Variants in ABHD17C observed in about 807,000 individuals in gnomAD.
The protein encoded by ABHD17C is alpha/beta hydrolase domain-containing protein 17C.
Under a neutral mutation model 27.9 loss-of-function variants are expected in ABHD17C, and 11 were observed. That is an observed-to-expected ratio of 0.39 (90% CI 0.25 to 0.65). ABHD17C has a LOEUF of 0.65. Ranked by LOEUF, ABHD17C falls within the 30% of genes least tolerant of loss-of-function variation. The pLI is 0.45. For missense variants in ABHD17C, 280 were observed against 470.2 expected (o/e 0.60, Z 3.74); for synonymous variants, 233 against 209.1 (o/e 1.11, Z -0.98).
At chr15:80,750,725 G>T (rs890387565) in intron 2 of ABHD17C, among the ~76,000 whole-genome samples, 2 of 152,108 alleles carry the variant, frequency 1.3e-5, no homozygotes, top group Admixed American at 1.3e-4. Context: ...ATTTATAGTG[G>T]CGTGGCTGGG....
intron 1 of ABHD17C, among the ~76,000 whole-genome samples, chr15:80,742,996 G>A (rs1250180179): frequency 6.6e-6 from 1 of 151,438 alleles, no homozygotes; most frequent in Non-Finnish European, 1.5e-5. Context: ...GGGTTGAGTG[G>A]GTGGGAGGGT....
chr15:80,706,473 C>A (rs1445280451), intron 1 of ABHD17C, among the ~76,000 whole-genome samples: 1 of 152,166 alleles, frequency 6.6e-6, no homozygotes, highest in East Asian at 1.9e-4. Context: ...AGAGAACCGC[C>A]AGTACTGATG....
At chr15:80,717,637 C>T (rs1030132258) in intron 1 of ABHD17C, among the ~76,000 whole-genome samples, 1 of 152,190 alleles carries the variant, frequency 6.6e-6, no homozygotes, top group Non-Finnish European at 1.5e-5. Context: ...CCACCCGCCT[C>T]GGCCTCCCAA....
chr15:80,738,756 G>A (rs943375440), intron 1 of ABHD17C, among the ~76,000 whole-genome samples: 1 of 152,140 alleles, frequency 6.6e-6, no homozygotes, highest in Non-Finnish European at 1.5e-5. Context: ...GTGAAGGGAT[G>A]GGGTGCTCAG....
intron 1 of ABHD17C, among the ~76,000 whole-genome samples, chr15:80,734,995 A>T (rs1895109814): frequency 6.6e-6 from 1 of 152,174 alleles, no homozygotes; most frequent in African/African-American, 2.4e-5. Flanking sequence ...ATCATCTCGC[A>T]TGGGACCTGG....
At chr15:80,752,799 G>A (rs77627818) in intron 2 of ABHD17C, among the ~76,000 whole-genome samples, 63 of 152,256 alleles carry the variant, frequency 4.1e-4, no homozygotes, top group African/African-American at 1.3e-3. Context: ...CTGTTATCCC[G>A]ATCAGAGAAG....
Position 80,754,442 on chromosome 15 carries a change from G to A in ABHD17C, c.*72G>A. The A allele has an allele frequency of 7.5e-7, 1 of 1,340,090 alleles. No individual in the cohort carries two copies. Among genetic ancestry groups the A allele is most frequent in the Non-Finnish European group, 1.0e-6 (1 of 973,544 alleles). The allele number at this position is 1,340,090 out of a possible 1,614,324, so 83.0% of individuals were successfully genotyped here. A position where few individuals can be genotyped will look rare whatever the true frequency, so the allele number is the denominator to read the frequency against. On this transcript the variant is annotated 3_prime_UTR_variant, in exon 3 of 3. Coordinates refer to ENST00000258884, the MANE Select transcript of ABHD17C (RefSeq NM_021214.2). The stretch of plus-strand genomic sequence containing the variant: ...TCTGTTTTGCACATGCTTTAACTGG[G>A]TAGCTGTAAAGGCTTGATAACCATG...
chr15:80,726,897 T>A (rs2141507516), intron 1 of ABHD17C, among the ~76,000 whole-genome samples: 1 of 152,358 alleles, frequency 6.6e-6, no homozygotes, highest in South Asian at 2.1e-4. Context: ...GATTCTTAAG[T>A]TGATCCCTTT....
rs58504912 is a variant in ABHD17C, at chr15:80,745,020, A to G, written c.591-4493A>G. On this transcript the variant is annotated intron_variant, in intron 1 of 2. Coordinates refer to ENST00000258884, the MANE Select transcript of ABHD17C (RefSeq NM_021214.2). Reference sequence around the variant, plus strand: ...TCACAGTTTTGTGAGGGCTGTCTCCATATCTGAAGTATCTGGTGAGCTTTT... The same window carrying G: ...TCACAGTTTTGTGAGGGCTGTCTCCGTATCTGAAGTATCTGGTGAGCTTTT... Among the ~76,000 whole-genome samples the G allele has an allele frequency of 9.6e-4, 146 of 152,342 alleles. 1 individual carries two copies. The East Asian group carries it at 0.012, about 13-fold the overall frequency.
In ABHD17C at chr15:80,695,624, C is replaced by G; in HGVS notation, c.195C>G (p.Ala65=). 1.7e-6 allele frequency: 2 copies of G among 1,191,908 alleles called. No homozygotes were observed. The allele number at this position is 1,191,908 out of a possible 1,614,324, so 73.8% of individuals were successfully genotyped here. The part of the protein sequence containing the change: ...SAPAPAQATA[A]AAAAQPAPQQ... ...CGGCCCCGGCCCAGGCTACCGCCGC[C>G]GCCGCCGCGGCCCAGCCGGCACCGC... The change falls in exon 1 of 3, where the codon GCC becomes GCG. Residue 65 remains alanine, a synonymous_variant. Coordinates refer to ENST00000258884, the MANE Select transcript of ABHD17C (RefSeq NM_021214.2). The surrounding 1 kb of genome is among the most constrained non-coding windows in gnomAD (Gnocchi z 4.3).
chr15:80,719,561 A>G (rs995851122), intron 1 of ABHD17C, among the ~76,000 whole-genome samples: 1 of 152,200 alleles, frequency 6.6e-6, no homozygotes, highest in Non-Finnish European at 1.5e-5. Flanking sequence ...TTATAAGTTT[A>G]AAAAATCAGC....
intron 1 of ABHD17C, among the ~76,000 whole-genome samples, chr15:80,702,437 C>T (rs1219887305): frequency 6.6e-6 from 1 of 152,162 alleles, no homozygotes; most frequent in Non-Finnish European, 1.5e-5. Context: ...TCTCCAAAAA[C>T]CAAAATCAAG....
intron 1 of ABHD17C, among the ~76,000 whole-genome samples, chr15:80,712,395 T>C (rs1894739662): frequency 6.6e-6 from 1 of 152,210 alleles, no homozygotes; most frequent in East Asian, 1.9e-4. Context: ...CTGAGGTTCC[T>C]CTCTAGGCAT....
intron 1 of ABHD17C, chr15:80,705,082 G>A (rs1894626569): frequency 6.6e-6 from 1 of 152,654 alleles, no homozygotes; most frequent in African/African-American, 2.4e-5. Flanking sequence ...GGTCAGCCCA[G>A]GCATCAGGTG....
At chr15:80,716,282 C>G (rs907121794) in intron 1 of ABHD17C, among the ~76,000 whole-genome samples, 3 of 152,206 alleles carry the variant, frequency 2.0e-5, no homozygotes, top group Non-Finnish European at 4.4e-5. Flanking sequence ...GCTCAGGAGC[C>G]TGGTCCTTGG....
intron 1 of ABHD17C, among the ~76,000 whole-genome samples, chr15:80,744,712 G>A (rs1895259885): frequency 6.6e-6 from 1 of 152,088 alleles, no homozygotes; most frequent in South Asian, 2.1e-4. Flanking sequence ...ATAACTAAAG[G>A]AAATTAGGAA....
intron 1 of ABHD17C, among the ~76,000 whole-genome samples, chr15:80,718,863 A>G (rs1406403112): frequency 6.6e-6 from 1 of 152,228 alleles, no homozygotes; most frequent in Non-Finnish European, 1.5e-5. Context: ...GAGAGAGATA[A>G]TAACTTTGTG....
rs531941219 is a variant in ABHD17C, at chr15:80,707,564, C to T, written c.590+11545C>T. Among the ~76,000 whole-genome samples, 27 of 151,130 alleles carry T rather than the reference C, an allele frequency of 1.8e-4. No individual in the cohort carries two copies. The East Asian group carries it at 4.7e-3, about 26-fold the overall frequency. On this transcript the variant is annotated intron_variant, in intron 1 of 2. Coordinates refer to ENST00000258884, the MANE Select transcript of ABHD17C (RefSeq NM_021214.2). ...CTAATACTAGCAATAGCTGATGAGCCCCCCCTCAAAAAAAAAAACGCAAAA... is the reference window on the plus strand; with the variant it reads ...CTAATACTAGCAATAGCTGATGAGCTCCCCCTCAAAAAAAAAAACGCAAAA...
At chr15:80,713,626 A>G (rs1258297699) in intron 1 of ABHD17C, among the ~76,000 whole-genome samples, 9 of 151,802 alleles carry the variant, frequency 5.9e-5, no homozygotes, top group East Asian at 2.0e-4. Flanking sequence ...TGGCCAACAT[A>G]GTGAAACTCC....
Sources: gnomAD v4.1 joint callset for allele counts (sites outside exome capture counted in the v4.1 genomes callset) on GRCh38, gnomAD v4.1.1 for gene constraint, Gnocchi (gnomAD v3.1) non-coding constraint, MANE v1.5 for transcripts, NCBI Gene and HGNC (gene_info 2026-07-23, HGNC 2026-07-21) for gene names.